IL31RA: variants seen among roughly 807,000 people sequenced by gnomAD.
The protein encoded by IL31RA is interleukin-31 receptor subunit alpha.
A neutral mutation model predicts 83.7 loss-of-function variants in IL31RA; 66 were observed. The observed-to-expected ratio is 0.79, with a 90% CI of 0.65 to 0.97. The LOEUF is 0.97. Ranked by LOEUF, IL31RA falls within the 50% of genes least tolerant of loss-of-function variation. The pLI, the probability that IL31RA is intolerant of heterozygous loss-of-function variation, is 0.00. For synonymous variants in IL31RA, 325 were observed against 329.0 expected, an observed-to-expected ratio of 0.99 and a Z score of 0.13; for missense variants, 798 against 919.4, an observed-to-expected ratio of 0.87 and a Z score of 1.71.
rs1255170108 is a variant in IL31RA, at chr5:55,859,493, C to T, written c.64-16C>T. 6.3e-7 allele frequency: 1 copy of T among 1,597,770 alleles called. No homozygotes were observed. Among genetic ancestry groups the T allele is most frequent in the Admixed American group, 1.7e-5 (1 of 60,002 alleles). On this transcript the variant is annotated splice_polypyrimidine_tract_variant and intron_variant, in intron 1 of 14. Coordinates refer to ENST00000652347, the MANE Select transcript of IL31RA (RefSeq NM_139017.7). Reference sequence around the variant, plus strand: ...AGATATGAAGCAAACCAACTCTTGACTGATGTCATTTTCAGCTCTCTCCCC... The same window carrying T: ...AGATATGAAGCAAACCAACTCTTGATTGATGTCATTTTCAGCTCTCTCCCC...
At chr5:55,851,040 AGCTGAGATG>A (rs772586806), upstream of IL31RA, among the ~76,000 whole-genome samples, 2 of 151,976 alleles carry the variant, frequency 1.3e-5, no homozygotes, top group Non-Finnish European at 2.9e-5. Flanking sequence ...GGTTGCGGTG[AGCTGAGATG>A]GCGCAATTGC....
At chr5:55,888,281 T>C (rs1365409598) in intron 5 of IL31RA, among the ~76,000 whole-genome samples, 1 of 152,176 alleles carries the variant, frequency 6.6e-6, no homozygotes, top group Non-Finnish European at 1.5e-5. Context: ...TCCTGGATCC[T>C]GTCGGAGCCA....
the IL31RA span, among the ~76,000 whole-genome samples, chr5:55,841,609 G>A: frequency 6.6e-6 from 1 of 152,040 alleles, no homozygotes; most frequent in Non-Finnish European, 1.5e-5. Flanking sequence ...TCTCTCCTTA[G>A]CCATCTTTCT....
At chr5:55,886,045 A>G (rs140690059) in intron 5 of IL31RA, among the ~76,000 whole-genome samples, 1 of 152,246 alleles carries the variant, frequency 6.6e-6, no homozygotes, top group African/African-American at 2.4e-5. Context: ...ACTATACCGC[A>G]TATAACACTA....
chr5:55,870,650 C>T (rs976566725), intron 3 of IL31RA, among the ~76,000 whole-genome samples: 4 of 152,184 alleles, frequency 2.6e-5, no homozygotes, highest in African/African-American at 9.7e-5. Flanking sequence ...ACCCAGCTCC[C>T]CTTGATGGCC....
At chr5:55,867,296 TGTGTGTGC>T (rs1561543777) in intron 2 of IL31RA, among the ~76,000 whole-genome samples, 123 of 98,298 alleles carry the variant, frequency 1.3e-3, no homozygotes, top group South Asian at 1.1e-3. Flanking sequence ...TGTGCATGTG[TGTGTGTGC>T]GTGTGTGTGT....
chr5:55,865,980 C>T (rs1229686712), intron 2 of IL31RA, among the ~76,000 whole-genome samples: 1 of 152,218 alleles, frequency 6.6e-6, no homozygotes, highest in Non-Finnish European at 1.5e-5. Context: ...TGATCCCCCT[C>T]TGCCATCTGC....
chr5:55,905,459 A>C (rs1423494902), intron 8 of IL31RA, among the ~76,000 whole-genome samples: 1 of 152,210 alleles, frequency 6.6e-6, no homozygotes, highest in African/African-American at 2.4e-5. Context: ...GTTGGATTGC[A>C]AGCCACACAC....
chr5:55,881,716 ATTTTTTTTT>A (rs34217814), intron 4 of IL31RA, among the ~76,000 whole-genome samples: 14 of 59,648 alleles, frequency 2.3e-4, no homozygotes, highest in Middle Eastern at 0.017. Flanking sequence ...AGTTCCTGAG[ATTTTTTTTT>A]TTTTTTTTTT....
At chr5:55,914,822 A>G in intron 13 of IL31RA, 25 bp from the exon 14 acceptor site, 3 of 1,544,922 alleles carry the variant, frequency 1.9e-6, no homozygotes, top group Non-Finnish European at 1.8e-6. Context: ...TTCAATTCCC[A>G]TCTTAAAATC....
chr5:55,851,490 A>G lies in IL31RA; in HGVS notation c.-81A>G. 9 of 1,613,552 alleles carry G rather than the reference A, an allele frequency of 5.6e-6. No homozygotes were observed. The highest frequency in any genetic ancestry group is 7.6e-6 in the Non-Finnish European group (9 of 1,179,612). On this transcript the variant is annotated 5_prime_UTR_variant, in exon 1 of 15. It adds an upstream start codon to the 5' untranslated region. Coordinates refer to ENST00000652347, the MANE Select transcript of IL31RA (RefSeq NM_139017.7). ...AGTAATAACCAGCATGGCACTAAAT[A>G]GACCATGAAAAGACATGTGTGTGCA... is the stretch of plus-strand genomic sequence containing the variant.
At chr5:55,893,726 T>C (rs572514061) in intron 6 of IL31RA, among the ~76,000 whole-genome samples, 49 of 152,246 alleles carry the variant, frequency 3.2e-4, no homozygotes, top group African/African-American at 1.1e-3. Flanking sequence ...CAGGAAATAG[T>C]GGCCTCAATG....
At chr5:55,914,411 A>G (rs891880640) in intron 13 of IL31RA, among the ~76,000 whole-genome samples, 2 of 152,216 alleles carry the variant, frequency 1.3e-5, no homozygotes, top group African/African-American at 2.4e-5. Flanking sequence ...GTTCATTTCT[A>G]ACAAGTTCCC....
the IL31RA span, among the ~76,000 whole-genome samples, chr5:55,840,802 T>C: frequency 6.6e-6 from 1 of 152,188 alleles, no homozygotes; most frequent in African/African-American, 2.4e-5. Flanking sequence ...ATTAAATGCT[T>C]GCCCTGAATA....
At position 55,918,796 on chromosome 5, in the gene IL31RA, A is replaced by AC. The variant is rs1178212140; in HGVS notation, c.*1683dup. On this transcript the variant is annotated 3_prime_UTR_variant, in exon 15 of 15. Coordinates refer to ENST00000652347, the MANE Select transcript of IL31RA (RefSeq NM_139017.7). ...CCTAACATCTCCAGCGGCTGCAGCC[A>AC]CCCCCCCACCACCCACCCAGGACTC... is the stretch of plus-strand genomic sequence containing the variant. Among the ~76,000 whole-genome samples, 96 of 151,288 alleles carry AC rather than the reference A, an allele frequency of 6.3e-4. 1 individual carries two copies. The highest frequency in any genetic ancestry group is 1.8e-3 in the African/African-American group (75 of 41,146).
chr5:55,900,064 T>C lies in IL31RA; in HGVS notation c.1001T>C (p.Met334Thr), dbSNP rs1341369900. The C allele has an allele frequency of 6.2e-7, 1 of 1,614,178 alleles. No individual in the cohort carries two copies. The highest frequency in any genetic ancestry group is 1.7e-5 in the Admixed American group (1 of 60,036). ...GGAGGCGAGAGCTTTTGGGTGTCTA[T>C]GATTTCTTATAATTCTCTTGGGAAG... ...HLGGESFWVS[M>T]ISYNSLGKSP... is the part of the protein sequence containing the mutation. The change falls in exon 8 of 15, where the codon ATG (methionine) becomes ACG (threonine). Residue 334 changes from methionine to threonine, a missense_variant. Physicochemically the swap from Met to Thr is moderately conservative, Grantham distance 81 (BLOSUM62 -1). Transcript: ENST00000652347.
At chr5:55,908,572 C>T (rs1561121862) in intron 11 of IL31RA, 161 bp downstream of exon 11, 6 of 1,556,980 alleles carry the variant, frequency 3.9e-6, no homozygotes, top group Non-Finnish European at 8.7e-7. Context: ...CCAAGAGCAC[C>T]CACCTTTTGG....
chr5:55,864,311 A>ACC (rs778339009), intron 2 of IL31RA, among the ~76,000 whole-genome samples: 100 of 147,822 alleles, frequency 6.8e-4, no homozygotes, highest in Admixed American at 6.8e-4. Flanking sequence ...ACACACACAC[A>ACC]CCACACATAT....
intron 6 of IL31RA, among the ~76,000 whole-genome samples, chr5:55,893,261 AATG>A (rs1175312203): frequency 3.9e-5 from 6 of 152,238 alleles, no homozygotes; most frequent in African/African-American, 1.4e-4. Context: ...GTGCTTCAGA[AATG>A]ATGATTAGTA....
Sources: allele counts gnomAD v4.1 joint callset (sites outside exome capture counted in the v4.1 genomes callset), GRCh38; gene constraint gnomAD v4.1.1; transcripts MANE v1.5; gene names NCBI Gene and HGNC (gene_info 2026-07-23, HGNC 2026-07-21).